CELSR2: variants seen among roughly 807,000 people sequenced by gnomAD.
CELSR2 encodes cadherin EGF LAG seven-pass G-type receptor 2.
In CELSR2, 81 loss-of-function variants were observed where a neutral mutation model predicts 251.6. That is an observed-to-expected ratio of 0.32 (90% confidence interval 0.27 to 0.39). The LOEUF (loss-of-function observed/expected upper bound fraction) is 0.39. Ranked by LOEUF, CELSR2 falls within the 10% of genes least tolerant of loss-of-function variation. The probability of loss-of-function intolerance (pLI) is 1.00; values close to 1 mark genes in which losing one functional copy is unlikely to be tolerated. For synonymous variants in CELSR2, 1,721 were observed against 1,670.5 expected, an observed-to-expected ratio of 1.03 and a Z score of -0.74; for missense variants, 3,365 against 3,947.7, an observed-to-expected ratio of 0.85 and a Z score of 3.96.
At chr1:109,260,417 G>A (rs1038564574) in intron 2 of CELSR2, among the ~76,000 whole-genome samples, 2 of 152,116 alleles carry the variant, frequency 1.3e-5, no homozygotes, top group African/African-American at 2.4e-5. Context: ...AGTCTGGACC[G>A]CAGGGCTCAA....
Position 109,251,038 on chromosome 1 carries a change from C to G in CELSR2, c.959C>G (p.Pro320Arg), listed in dbSNP as rs1384079226. Reference sequence around the variant, plus strand: ...AGGGCCACGGATGGTGATGCCCCTCCCAATGCCAATATTCTGTACCGCCTG... The same window carrying G: ...AGGGCCACGGATGGTGATGCCCCTCGCAATGCCAATATTCTGTACCGCCTG... The part of the protein sequence containing the change: ...TVRATDGDAP[P>R]NANILYRLLE... The change falls in exon 1 of 34, where the codon CCC becomes CGC. Residue 320 changes from proline to arginine, a missense_variant. By Grantham distance (103) the Pro-to-Arg change is moderately radical (BLOSUM62 -2). Coordinates refer to ENST00000271332, the MANE Select transcript of CELSR2 (RefSeq NM_001408.3). The surrounding 1 kb of genome is among the most constrained non-coding windows in gnomAD (Gnocchi z 4.9). The G allele has an allele frequency of 1.9e-6, 3 of 1,613,508 alleles. No individual in the cohort carries two copies. The Admixed American group carries it at 5.0e-5, about 27-fold the overall frequency.
intron 1 of CELSR2, 25 bp from the exon 2 acceptor site, chr1:109,258,407 G>C (rs748778516): frequency 1.3e-6 from 2 of 1,528,194 alleles, no homozygotes; most frequent in Admixed American, 1.9e-5. Flanking sequence ...CCCAGGCTGG[G>C]TCCTGACTGT....
At chr1:109,273,082 G>C (rs1407881152) in intron 31 of CELSR2, 55 bp downstream of exon 31, 1 of 1,593,368 alleles carries the variant, frequency 6.3e-7, no homozygotes, top group East Asian at 2.2e-5. Context: ...CAGTGGGCCT[G>C]GGGTTCTTGG....
chr1:109,261,335 GAAGT>G lies in CELSR2; in HGVS notation c.4181+75_4181+78del. The G allele has an allele frequency of 2.0e-6, 3 of 1,483,596 alleles. No homozygotes were observed. Among genetic ancestry groups the G allele is most frequent in the Non-Finnish European group, 2.8e-6 (3 of 1,074,350 alleles). 91.9% of individuals were successfully genotyped at this position (1,483,596 alleles called of 1,614,324 possible). A position where few individuals can be genotyped will look rare whatever the true frequency, so the allele number is the denominator to read the frequency against. On this transcript the variant is annotated intron_variant, in intron 3 of 33. Transcript: ENST00000271332. The surrounding 1 kb of genome is among the most constrained non-coding windows in gnomAD (Gnocchi z 4.8). ...CTGAGGTGCCTCCTGTTCTGTGGTTGAAGTAAGAGGTCAGGCAGTGAAAGCGTGG... is the reference window on the plus strand; with the variant it reads ...CTGAGGTGCCTCCTGTTCTGTGGTTGAAGAGGTCAGGCAGTGAAAGCGTGG...
chr1:109,273,421 CG>C lies in CELSR2; in HGVS notation c.8510-14del. 6.2e-7 allele frequency: 1 copy of C among 1,609,076 alleles called. No homozygotes were observed. ...CTCCTGTGGCCGCACCTCACAGCCCCGCCCCGGCCCACAGGCATCCTTAAGA... is the reference window on the plus strand; with the variant it reads ...CTCCTGTGGCCGCACCTCACAGCCCCCCCCGGCCCACAGGCATCCTTAAGA... On this transcript the variant is annotated splice_polypyrimidine_tract_variant and intron_variant, in intron 32 of 33. Coordinates refer to ENST00000271332, the MANE Select transcript of CELSR2 (RefSeq NM_001408.3).
intron 28 of CELSR2, 128 bp from the exon 29 acceptor site, chr1:109,272,150 G>A: frequency 8.1e-7 from 1 of 1,233,194 alleles, no homozygotes; most frequent in Non-Finnish European, 1.1e-6. Context: ...GGAGAAGCAG[G>A]GCCCTCTCTT....
At chr1:109,273,132 T>G in intron 31 of CELSR2, 34 bp from the exon 32 acceptor site, 7 of 1,604,326 alleles carry the variant, frequency 4.4e-6, no homozygotes, top group Non-Finnish European at 6.0e-6. Context: ...CTATCTGCCC[T>G]CTGTGGGCCT....
At position 109,253,291 on chromosome 1, in the gene CELSR2, G is replaced by A; in HGVS notation, c.3212G>A (p.Ser1071Asn). 7 of 1,613,472 alleles carry A rather than the reference G, an allele frequency of 4.3e-6. No individual in the cohort carries two copies. The highest frequency in any genetic ancestry group is 5.9e-6 in the Non-Finnish European group (7 of 1,180,046). The change falls in exon 1 of 34, where the codon AGC becomes AAC. Residue 1071 changes from serine (S) to asparagine (N), a missense_variant. Ser to Asn is a conservative substitution (Grantham distance 46, BLOSUM62 1). Around this residue, in one of 5 missense-constraint regions of CELSR2, gnomAD observed 505 missense variants for 660.0 expected, o/e 0.77. Transcript: ENST00000271332. ...AGCTTTGAGCGGGGAAATGAACTCA[G>A]CCTGGTCCTGCTCAATGCCTCCACG... Reference protein sequence around the residue: ...TYSFERGNELSLVLLNASTGE... With the variant: ...TYSFERGNELNLVLLNASTGE...
chr1:109,264,824 G>C (rs769300399), intron 11 of CELSR2, 44 bp from the exon 12 acceptor site: 50 of 1,613,146 alleles, frequency 3.1e-5, no homozygotes, highest in Middle Eastern at 1.6e-4. Context: ...GATGGTGCCA[G>C]GGGAGGGTGG....
At chr1:109,263,318 G>T in intron 8 of CELSR2, 51 bp downstream of exon 8, 1 of 1,537,058 alleles carries the variant, frequency 6.5e-7, no homozygotes, top group South Asian at 1.2e-5. Flanking sequence ...TCAACAGTCT[G>T]GGAACTGGCA....
chr1:109,262,818 G>C lies in CELSR2; in HGVS notation c.4557G>C (p.Leu1519=). 5.6e-6 allele frequency: 9 copies of C among 1,613,048 alleles called. No individual in the cohort carries two copies. The highest frequency in any genetic ancestry group is 7.6e-6 in the Non-Finnish European group (9 of 1,179,680). Reference sequence around the variant, plus strand: ...TTTGCTCCCCCAGGTCTCTGGATCTGACGGGGCCCCTGCTACTAGGCGGGG... The same window carrying C: ...TTTGCTCCCCCAGGTCTCTGGATCTCACGGGGCCCCTGCTACTAGGCGGGG... The part of the protein sequence containing the change: ...TQGGSKKSLD[L]TGPLLLGGVP... Residue 1519 remains leucine, a synonymous_variant, in exon 7 of 34, where the codon CTG becomes CTC. Coordinates refer to ENST00000271332, the MANE Select transcript of CELSR2 (RefSeq NM_001408.3).
rs1419760153 is a variant in CELSR2, at chr1:109,275,342, C to T, written c.*1293C>T. On this transcript the variant is annotated 3_prime_UTR_variant, in exon 34 of 34. Coordinates refer to ENST00000271332, the MANE Select transcript of CELSR2 (RefSeq NM_001408.3). ...GCCCCAGGCCATCATCTCCCCACCT[C>T]TCCTCCCCTCTCCTCAGTTTTGCCG... 5 of 152,274 alleles carry T rather than the reference C, an allele frequency of 3.3e-5. No individual in the cohort carries two copies. The highest frequency in any genetic ancestry group is 6.5e-5 in the Admixed American group (1 of 15,282). The allele number at this position is 152,274 out of a possible 1,614,324, so 9.4% of individuals were successfully genotyped here. A position where few individuals can be genotyped will look rare whatever the true frequency, so the allele number is the denominator to read the frequency against.
rs1656498781 is a variant in CELSR2 at position 109,275,284 on chromosome 1, G to A, written c.*1235G>A. ...CATCACAGGCTGGGTGTTCCCAGCA[G>A]CCCTGGCTTGGGGGCTTGACGCCCT... On this transcript the variant is annotated 3_prime_UTR_variant, in exon 34 of 34. Coordinates refer to ENST00000271332, the MANE Select transcript of CELSR2 (RefSeq NM_001408.3). 6.6e-6 allele frequency: 1 copy of A among 152,262 alleles called. No individual in the cohort carries two copies. Among genetic ancestry groups the A allele is most frequent in the Non-Finnish European group, 1.5e-5 (1 of 68,062 alleles). The allele number at this position is 152,262 out of a possible 1,614,324, so 9.4% of individuals were successfully genotyped here.
chr1:109,261,704 T>C lies in CELSR2; in HGVS notation c.4297+76T>C, dbSNP rs1656025631. The C allele has an allele frequency of 2.6e-6, 4 of 1,551,950 alleles. No homozygotes were observed. Among genetic ancestry groups the C allele is most frequent in the Non-Finnish European group, 3.5e-6 (4 of 1,127,516 alleles). On this transcript the variant is annotated intron_variant, in intron 4 of 33. Coordinates refer to ENST00000271332, the MANE Select transcript of CELSR2 (RefSeq NM_001408.3). This position sits in a 1 kb window ranked among gnomAD's most constrained non-coding sequence, Gnocchi z 4.8. ...TTCCAGCCCCTGACCCCAAGCCACATACTCTATCAGCCAAATCTGGGCCCA... is the reference window on the plus strand; with the variant it reads ...TTCCAGCCCCTGACCCCAAGCCACACACTCTATCAGCCAAATCTGGGCCCA...
rs113053903 is a variant in CELSR2 at position 109,271,801 on chromosome 1, C to T, written c.7926+79C>T. The T allele has an allele frequency of 2.1e-5, 32 of 1,526,432 alleles. No homozygotes were observed. In the African/African-American group the frequency reaches 4.0e-4, roughly 19 times the overall value. 94.6% of individuals were successfully genotyped at this position (1,526,432 alleles called of 1,614,324 possible). On this transcript the variant is annotated intron_variant, in intron 28 of 33. Transcript: ENST00000271332. ...CCCAGTGAGCCTGTACTTTTGGCCC[C>T]ACTCCCCTTTCTCTTTTCTCCATCC... is the stretch of plus-strand genomic sequence containing the variant.
Position 109,253,050 on chromosome 1 carries a change from G to C in CELSR2, c.2971G>C (p.Glu991Gln), listed in dbSNP as rs1280846123. The C allele has an allele frequency of 6.2e-7, 1 of 1,613,592 alleles. No individual in the cohort carries two copies. The highest frequency in any genetic ancestry group is 8.5e-7 in the Non-Finnish European group (1 of 1,180,048). Residue 991 changes from glutamate to glutamine, a missense_variant, in exon 1 of 34, where the codon GAG (glutamate) becomes CAG (glutamine). Transcript: ENST00000271332. The stretch of plus-strand genomic sequence containing the variant: ...AGACTTAGACTACGAGGACCGGCCT[G>C]AGTACGTCCTGGTCATCCAGGCCAC... ...LVDLDYEDRP[E>Q]YVLVIQATSA...
At chr1:109,262,733 C>T in intron 6 of CELSR2, 73 bp from the exon 7 acceptor site, 9 of 1,575,088 alleles carry the variant, frequency 5.7e-6, no homozygotes, top group Non-Finnish European at 7.8e-6. Flanking sequence ...TGTCTCTGGC[C>T]TGGCGGCAGA....
Position 109,269,045 on chromosome 1 carries a change from C to A in CELSR2, c.6631+37C>A. ...CCATGGATTGAGTTGGGAGCTGGAC[C>A]CCAGTGTCTGTGCAGACTCCACAGA... On this transcript the variant is annotated intron_variant, in intron 19 of 33. Transcript: ENST00000271332. This position sits in a 1 kb window ranked among gnomAD's most constrained non-coding sequence, Gnocchi z 6.4. The A allele has an allele frequency of 6.2e-7, 1 of 1,601,062 alleles. No homozygotes were observed. The highest frequency in any genetic ancestry group is 8.5e-7 in the Non-Finnish European group (1 of 1,170,520).
At position 109,263,124 on chromosome 1, in the gene CELSR2, G is replaced by T; in HGVS notation, c.4709-18G>T. On this transcript the variant is annotated intron_variant, in intron 7 of 33. Transcript: ENST00000271332. ...AGCCCCAGCTCAGGTCCACTGAGCT[G>T]CCTTCTCTCCATTCCAGGCTGCCCT... is the stretch of plus-strand genomic sequence containing the variant. The T allele has an allele frequency of 6.3e-7, 1 of 1,591,456 alleles. No individual in the cohort carries two copies. Among genetic ancestry groups the T allele is most frequent in the Non-Finnish European group, 8.6e-7 (1 of 1,162,108 alleles).
Sources: gnomAD v4.1 joint callset for allele counts (sites outside exome capture counted in the v4.1 genomes callset) on GRCh38, gnomAD v4.1.1 for gene constraint, gnomAD v4.1.1 regional missense constraint, Gnocchi (gnomAD v3.1) non-coding constraint, MANE v1.5 for transcripts, NCBI Gene and HGNC (gene_info 2026-07-23, HGNC 2026-07-21) for gene names.